DOCK8: variants seen among roughly 807,000 people sequenced by gnomAD.
DOCK8 encodes dedicator of cytokinesis protein 8.
DOCK8 carries 141 observed loss-of-function variants against 245.6 expected under a neutral mutation model. That is an observed-to-expected ratio of 0.57 (90% confidence interval 0.50 to 0.66). The LOEUF (loss-of-function observed/expected upper bound fraction) is 0.66, where lower values mean the gene tolerates loss of function less well. Ranked by LOEUF, DOCK8 falls within the 30% of genes least tolerant of loss-of-function variation. The pLI is 0.00. For synonymous variants in DOCK8, 1,168 were observed against 970.2 expected, an observed-to-expected ratio of 1.20 and a Z score of -3.79; for missense variants, 2,965 against 2,603.4, an observed-to-expected ratio of 1.14 and a Z score of -3.02.
At chr9:232,447 A>C (rs1408382405) in intron 1 of DOCK8, among the ~76,000 whole-genome samples, 1 of 152,062 alleles carries the variant, frequency 6.6e-6, no homozygotes, top group Non-Finnish European at 1.5e-5. Context: ...TTTTCTATTG[A>C]TTGGAATAAT....
In DOCK8 at chr9:384,786, G is replaced by A. The variant is rs1294060576; in HGVS notation, c.2779-1545G>A. Among the ~76,000 whole-genome samples, 3 of 151,996 alleles carry A rather than the reference G, an allele frequency of 2.0e-5. No individual in the cohort carries two copies. The East Asian group carries it at 5.8e-4, about 29-fold the overall frequency. The stretch of plus-strand genomic sequence containing the variant: ...AAAAAATTAGCCGGGCGTGGTGGCG[G>A]GCGCCTGTAATCCCAGCTACTCAGG... On this transcript the variant is annotated intron_variant, in intron 22 of 47. Transcript: ENST00000432829.
chr9:357,681 T>C (rs1160325768), intron 14 of DOCK8, among the ~76,000 whole-genome samples: 2 of 152,264 alleles, frequency 1.3e-5, no homozygotes, highest in African/African-American at 4.8e-5. Flanking sequence ...TTATGTGAAA[T>C]ATTGCAGCCT....
intron 10 of DOCK8, among the ~76,000 whole-genome samples, chr9:333,537 G>C (rs549546896): frequency 7.5e-4 from 114 of 151,814 alleles, no homozygotes; most frequent in Non-Finnish European, 1.3e-3. Context: ...GGAGGCGGAG[G>C]TTGCAGTGAG....
rs1433778765 is a variant in DOCK8 at position 325,735 on chromosome 9, A to C, written c.892A>C (p.Lys298Gln). 4 of 1,613,646 alleles carry C rather than the reference A, an allele frequency of 2.5e-6. No homozygotes were observed. The highest frequency in any genetic ancestry group is 3.4e-6 in the Non-Finnish European group (4 of 1,179,582). ...IALYDVKERK[K>Q]ISENFHCDLN... Reference sequence around the variant, plus strand: ...CCTCTACGATGTTAAAGAAAGGAAAAAGGTAAGAAAGCAAAGAAAAATCCA... The same window carrying C: ...CCTCTACGATGTTAAAGAAAGGAAACAGGTAAGAAAGCAAAGAAAAATCCA... The change falls in exon 8 of 48, where the codon AAG becomes CAG. Residue 298 changes from lysine (K) to glutamine (Q), a missense_variant and splice_region_variant. By Grantham distance (53) the Lys-to-Gln change is moderately conservative (BLOSUM62 1). Coordinates refer to ENST00000432829, the MANE Select transcript of DOCK8 (RefSeq NM_203447.4).
At chr9:336,186 A>G (rs4741814) in intron 11 of DOCK8, among the ~76,000 whole-genome samples, 76,418 of 152,086 alleles carry the variant, frequency 0.5, 19,707 homozygotes, top group East Asian at 0.8. Context: ...AAATGCCTTC[A>G]GGGGCATTTG....
At chr9:377,526 T>G (rs1055915109) in intron 20 of DOCK8, among the ~76,000 whole-genome samples, 17 of 152,356 alleles carry the variant, frequency 1.1e-4, no homozygotes, top group African/African-American at 3.8e-4. Context: ...ATTTTTGTTT[T>G]CTTGACTAAC....
intron 46 of DOCK8, 43 bp downstream of exon 46, chr9:452,160 C>A: frequency 7.6e-7 from 1 of 1,312,140 alleles, no homozygotes; most frequent in Non-Finnish European, 1.1e-6. Flanking sequence ...AGCAGTGGTT[C>A]TCAAAGTGCA....
rs1371076234 is a variant in DOCK8 at position 334,318 on chromosome 9, A to G, written c.1219A>G (p.Ser407Gly). The change falls in exon 11 of 48, where the codon AGC becomes GGC. Residue 407 changes from serine to glycine, a missense_variant. Physicochemically the swap from Ser to Gly is moderately conservative, Grantham distance 56. This residue lies in a region of DOCK8 where 2,825 missense variants were observed against 2,453.5 expected (regional missense o/e 1.15). Transcript: ENST00000432829. Reference protein sequence around the residue: ...YRMPFAWAPISLSSFFNVSTL... With the variant: ...YRMPFAWAPIGLSSFFNVSTL... ...GATGCCCTTTGCCTGGGCACCCATAAGCTTATCAAGCTTCTTCAATGTCTC... is the reference window on the plus strand; with the variant it reads ...GATGCCCTTTGCCTGGGCACCCATAGGCTTATCAAGCTTCTTCAATGTCTC... The G allele has an allele frequency of 3.7e-6, 6 of 1,614,038 alleles. No homozygotes were observed. In the African/African-American group the frequency reaches 6.7e-5, roughly 18 times the overall value.
In DOCK8 at chr9:396,820, C is replaced by A. The variant is rs748241197; in HGVS notation, c.3006C>A (p.Asp1002Glu). ...KSMAQHVHNM[D>E]KRDSFRRTRF... ...TGGCCCAGCACGTACATAACATGGA[C>A]AAACGGGACAGTTTTCGGAGGACTC... is the stretch of plus-strand genomic sequence containing the variant. Residue 1002 changes from aspartate to glutamate, a missense_variant, in exon 25 of 48, where the codon GAC (aspartate) becomes GAA (glutamate). Physicochemically the swap from Asp to Glu is conservative, Grantham distance 45. Coordinates refer to ENST00000432829, the MANE Select transcript of DOCK8 (RefSeq NM_203447.4). 6.2e-7 allele frequency: 1 copy of A among 1,614,136 alleles called. No homozygotes were observed. The highest frequency in any genetic ancestry group is 1.3e-5 in the African/African-American group (1 of 75,020).
At chr9:409,186 C>G (rs573626339) in intron 28 of DOCK8, among the ~76,000 whole-genome samples, 2 of 152,156 alleles carry the variant, frequency 1.3e-5, no homozygotes, top group South Asian at 4.1e-4. Flanking sequence ...GCCAGAAGGA[C>G]GCATCTCAGT....
intron 4 of DOCK8, among the ~76,000 whole-genome samples, chr9:292,705 C>T (rs2049098253): frequency 1.3e-5 from 2 of 151,938 alleles, no homozygotes; most frequent in South Asian, 2.1e-4. Flanking sequence ...AATGTCTTCC[C>T]CAGTATGCCT....
intron 1 of DOCK8, among the ~76,000 whole-genome samples, chr9:230,989 T>A (rs1322422794): frequency 6.6e-6 from 1 of 152,160 alleles, no homozygotes; most frequent in Non-Finnish European, 1.5e-5. Flanking sequence ...GCCTATGTCC[T>A]GAATGGTATT....
At chr9:222,860 C>G (rs1448203598) in intron 1 of DOCK8, among the ~76,000 whole-genome samples, 1 of 152,182 alleles carries the variant, frequency 6.6e-6, no homozygotes, top group South Asian at 2.1e-4. Flanking sequence ...CTTTGCTTAA[C>G]AATGTAATCC....
intron 32 of DOCK8, 149 bp from the exon 33 acceptor site, chr9:421,899 G>T (rs535220809): frequency 1.4e-6 from 1 of 721,686 alleles, no homozygotes; most frequent in Non-Finnish European, 2.5e-6. Context: ...TAGGTGTGGC[G>T]ACTTTGTCTC....
At chr9:414,391 G>A (rs1257298029) in intron 28 of DOCK8, among the ~76,000 whole-genome samples, 5 of 152,182 alleles carry the variant, frequency 3.3e-5, no homozygotes, top group African/African-American at 9.7e-5. Flanking sequence ...AAAACATCAT[G>A]CTAAACAGCA....
intron 4 of DOCK8, among the ~76,000 whole-genome samples, chr9:291,552 A>G (rs1040416967): frequency 1.2e-4 from 18 of 152,152 alleles, no homozygotes; most frequent in Non-Finnish European, 2.9e-5. Flanking sequence ...CCTCAATACA[A>G]TGATTGATGA....
chr9:389,275 A>G (rs919970329), intron 23 of DOCK8, among the ~76,000 whole-genome samples: 5 of 152,204 alleles, frequency 3.3e-5, no homozygotes, highest in Admixed American at 6.5e-5. Flanking sequence ...ACACATAGCC[A>G]GATATGCTGT....
Position 452,139 on chromosome 9 carries a change from A to T in DOCK8, c.6068+22A>T, listed in dbSNP as rs79815230. The T allele has an allele frequency of 4.7e-6, 7 of 1,501,600 alleles. No individual in the cohort carries two copies. The East Asian group carries it at 1.6e-4, about 34-fold the overall frequency. The allele number at this position is 1,501,600 out of a possible 1,614,324, so 93.0% of individuals were successfully genotyped here. ...TGAGGTAAGAAGGAAAATGGCTGGG[A>T]ATTTCAGTAGAGCAGTGGTTCTCAA... On this transcript the variant is annotated intron_variant, in intron 46 of 47. Transcript: ENST00000432829.
At chr9:286,316 C>T (rs1185071453) in intron 2 of DOCK8, 145 bp from the exon 3 acceptor site, 2 of 843,992 alleles carry the variant, frequency 2.4e-6, no homozygotes, top group African/African-American at 1.7e-5. Context: ...TGTTTGACAG[C>T]TCCTCCAAAG....
Sources: gnomAD v4.1 joint callset for allele counts (sites outside exome capture counted in the v4.1 genomes callset) on GRCh38, gnomAD v4.1.1 for gene constraint, gnomAD v4.1.1 regional missense constraint, MANE v1.5 for transcripts, NCBI Gene and HGNC (gene_info 2026-07-23, HGNC 2026-07-21) for gene names.